Variants in KIF26A observed in about 807,000 individuals in gnomAD.
The protein encoded by KIF26A is kinesin-like protein KIF26A.
Under a neutral mutation model 126.0 loss-of-function variants are expected in KIF26A, and 74 were observed. The ratio of observed to expected loss-of-function variants is 0.59; its 90% CI spans 0.49 to 0.71. The LOEUF (loss-of-function observed/expected upper bound fraction) is 0.71, where lower values mean the gene tolerates loss of function less well. Among genes scored for constraint, KIF26A ranks in the 30% least tolerant of loss-of-function variants. The probability of loss-of-function intolerance (pLI) is 0.00; values close to 1 mark genes in which losing one functional copy is unlikely to be tolerated. For synonymous variants in KIF26A, 1,445 were observed against 1,232.7 expected (o/e 1.17, Z -3.61); for missense variants, 2,984 against 2,763.3 (o/e 1.08, Z -1.79).
At chr14:104,159,572 C>A (rs944389632) in intron 4 of KIF26A, among the ~76,000 whole-genome samples, 1 of 152,214 alleles carries the variant, frequency 6.6e-6, no homozygotes, top group Non-Finnish European at 1.5e-5. Context: ...AGGCCGGTGC[C>A]GCTTGCCAGC....
chr14:104,174,372 G>A (rs2037994036), intron 11 of KIF26A, 62 bp downstream of exon 11: 4 of 1,417,944 alleles, frequency 2.8e-6, no homozygotes, highest in Admixed American at 2.7e-5. Context: ...TCCACTGCAG[G>A]CCTCTGCTGG....
At position 104,175,785 on chromosome 14, in the gene KIF26A, C is replaced by T. The variant is rs1007774294; in HGVS notation, c.2997C>T (p.Cys999=). 14 of 1,537,828 alleles carry T rather than the reference C, an allele frequency of 9.1e-6. No homozygotes were observed. The African/African-American group carries it at 1.4e-4, about 15-fold the overall frequency. ...CCCCGATGCTTCCTGGGGCCACCTG[C>T]CCCCGCCTGGCTGCTGGCAGTCGCT... ...AGSPMLPGAT[C]PRLAAGSRCP... is the part of the protein sequence containing the mutation. The change falls in exon 12 of 15, where the codon TGC becomes TGT. Residue 999 remains cysteine (C), a synonymous_variant. Coordinates refer to ENST00000423312, the MANE Select transcript of KIF26A (RefSeq NM_015656.2).
At chr14:104,147,718 C>T (rs570577620) in intron 2 of KIF26A, among the ~76,000 whole-genome samples, 1 of 152,372 alleles carries the variant, frequency 6.6e-6, no homozygotes, top group South Asian at 2.1e-4. Context: ...TTGTCAGCTC[C>T]GGAAACAGCG....
intron 3 of KIF26A, among the ~76,000 whole-genome samples, chr14:104,155,943 G>T (rs566931687): frequency 6.6e-6 from 1 of 152,346 alleles, no homozygotes; most frequent in Non-Finnish European, 1.5e-5. Flanking sequence ...CCCCTGTCCA[G>T]TGGGGGAGGC....
chr14:104,180,013 A>C lies in KIF26A; in HGVS notation c.*223A>C. The C allele has an allele frequency of 6.4e-6, 3 of 466,962 alleles. No individual in the cohort carries two copies. The highest frequency in any genetic ancestry group is 1.1e-5 in the Non-Finnish European group (3 of 268,038). 28.9% of individuals were successfully genotyped at this position (466,962 alleles called of 1,614,324 possible). A position where few individuals can be genotyped will look rare whatever the true frequency, so the allele number is the denominator to read the frequency against. On this transcript the variant is annotated 3_prime_UTR_variant, in exon 15 of 15. Coordinates refer to ENST00000423312, the MANE Select transcript of KIF26A (RefSeq NM_015656.2). ...CAGAAGACCGTCACCACCCGACAGCAACGCAAGTGCCTTTGACCTTGATTT... is the reference window on the plus strand; with the variant it reads ...CAGAAGACCGTCACCACCCGACAGCCACGCAAGTGCCTTTGACCTTGATTT...
At chr14:104,171,338 C>T (rs942738673) in intron 5 of KIF26A, among the ~76,000 whole-genome samples, 1 of 152,208 alleles carries the variant, frequency 6.6e-6, no homozygotes, top group Non-Finnish European at 1.5e-5. Flanking sequence ...TGGGGAGCAG[C>T]CTGCGAGGGC....
chr14:104,138,994 C>T (rs577991814), intron 1 of KIF26A, 49 bp from the exon 2 acceptor site: 3 of 1,323,066 alleles, frequency 2.3e-6, no homozygotes, highest in African/African-American at 1.5e-5. Flanking sequence ...GGTCTGGATC[C>T]GACGGACGTC....
chr14:104,166,780 C>A, intron 4 of KIF26A, 79 bp from the exon 5 acceptor site: 5 of 1,334,006 alleles, frequency 3.7e-6, no homozygotes, highest in Non-Finnish European at 5.0e-6. Context: ...AGGGTGGGAT[C>A]GCCTGGTGAC....
Position 104,151,858 on chromosome 14 carries a change from G to C in KIF26A, c.289-157G>C, listed in dbSNP as rs979157686. 6.6e-6 allele frequency among the ~76,000 whole-genome samples: 1 copy of C among 152,246 alleles called. No homozygotes were observed. The highest frequency in any genetic ancestry group is 2.4e-5 in the African/African-American group (1 of 41,462). ...ATCATTATTTTCCTGCTGGGCTTGT[G>C]TGGGTGAAAGTGTTTGGGCTTATTA... On this transcript the variant is annotated intron_variant, in intron 2 of 14. Transcript: ENST00000423312. The surrounding 1 kb of genome is among the most constrained non-coding windows in gnomAD (Gnocchi z 4.9).
chr14:104,179,673 G>A lies in KIF26A; in HGVS notation c.5532G>A (p.Thr1844=), dbSNP rs370881005. 1.8e-4 allele frequency: 282 copies of A among 1,548,410 alleles called. 2 individuals carry two copies. Among genetic ancestry groups the A allele is most frequent in the Admixed American group, 8.1e-4 (41 of 50,896 alleles). The change falls in exon 15 of 15, where the codon ACG becomes ACA. Residue 1844 remains threonine (T), a synonymous_variant. Transcript: ENST00000423312. The part of the protein sequence containing the change: ...AEYLAALERA[T]AALEQCVNLC... ...ACCTGGCGGCCCTGGAGCGAGCCAC[G>A]GCGGCCCTGGAGCAGTGCGTGAACC... is the stretch of plus-strand genomic sequence containing the variant.
intron 2 of KIF26A, among the ~76,000 whole-genome samples, chr14:104,143,795 G>A (rs2037657661): frequency 6.6e-6 from 1 of 152,248 alleles, no homozygotes; most frequent in South Asian, 2.1e-4. Flanking sequence ...AGTGGCACCC[G>A]CCTCGGGGAT....
At chr14:104,164,718 T>A (rs1245134726) in intron 4 of KIF26A, among the ~76,000 whole-genome samples, 1 of 151,568 alleles carries the variant, frequency 6.6e-6, no homozygotes, top group Non-Finnish European at 1.5e-5. Context: ...TGTGTGAGTG[T>A]GTGTGCGTGT....
In KIF26A at chr14:104,177,908, G is replaced by T; in HGVS notation, c.5110+10G>T. The T allele has an allele frequency of 6.6e-7, 1 of 1,510,002 alleles. No homozygotes were observed. Among genetic ancestry groups the T allele is most frequent in the Non-Finnish European group, 8.8e-7 (1 of 1,137,652 alleles). 93.5% of individuals were successfully genotyped at this position (1,510,002 alleles called of 1,614,324 possible). A position where few individuals can be genotyped will look rare whatever the true frequency, so the allele number is the denominator to read the frequency against. On this transcript the variant is annotated intron_variant, in intron 12 of 14. Transcript: ENST00000423312. ...AAGAAGAGGGCCACAGGTGGGTGCA[G>T]AGGTGCACAGCCCTCTACAGTTTAC...
Position 104,180,111 on chromosome 14 carries a change from G to T in KIF26A, c.*321G>T. On this transcript the variant is annotated 3_prime_UTR_variant, in exon 15 of 15. Coordinates refer to ENST00000423312, the MANE Select transcript of KIF26A (RefSeq NM_015656.2). ...CAGAAGTTGTGTTCAGCCCGGCCCC[G>T]CTGCGCCTGTCCGGGCCGGGGCTGG... The T allele has an allele frequency of 3.5e-6, 1 of 286,954 alleles. No homozygotes were observed. Among genetic ancestry groups the T allele is most frequent in the Middle Eastern group, 9.7e-4 (1 of 1,034 alleles). 17.8% of individuals were successfully genotyped at this position (286,954 alleles called of 1,614,324 possible).
At chr14:104,169,113 ACAGGGCAGGTGGGTG>A (rs1158652641) in intron 5 of KIF26A, among the ~76,000 whole-genome samples, 1 of 152,164 alleles carries the variant, frequency 6.6e-6, no homozygotes, top group African/African-American at 2.4e-5. Context: ...TCTCCTTGAG[ACAGGGCAGGTGGGTG>A]CTGGGGCCAG....
intron 2 of KIF26A, among the ~76,000 whole-genome samples, chr14:104,144,617 T>C (rs1017224176): frequency 8.2e-4 from 125 of 152,336 alleles, no homozygotes; most frequent in African/African-American, 2.8e-3. Context: ...AAAGTCTAGT[T>C]CTTCTCTTCC....
chr14:104,144,678 G>C (rs1170188488), intron 2 of KIF26A, among the ~76,000 whole-genome samples: 1 of 152,232 alleles, frequency 6.6e-6, no homozygotes, highest in Admixed American at 6.5e-5. Context: ...TCTGGGCCGC[G>C]TGGGACTTTT....
chr14:104,141,100 A>C (rs1014662326), intron 2 of KIF26A, among the ~76,000 whole-genome samples: 4 of 152,214 alleles, frequency 2.6e-5, no homozygotes, highest in African/African-American at 7.2e-5. Context: ...CTGTCCCCAG[A>C]GTCCCAGCAA....
chr14:104,140,554 G>C (rs745952175), intron 2 of KIF26A, among the ~76,000 whole-genome samples: 1 of 152,208 alleles, frequency 6.6e-6, no homozygotes, highest in Non-Finnish European at 1.5e-5. Flanking sequence ...TTGGACTGCT[G>C]ATGCTGCCTG....
Sources: allele counts gnomAD v4.1 joint callset (sites outside exome capture counted in the v4.1 genomes callset), GRCh38; gene constraint gnomAD v4.1.1; non-coding constraint Gnocchi (gnomAD v3.1); transcripts MANE v1.5; gene names NCBI Gene and HGNC (gene_info 2026-07-23, HGNC 2026-07-21).